XKR6: variants seen among roughly 807,000 people sequenced by gnomAD.
XKR6 encodes the protein XK-related protein 6.
Under a neutral mutation model 56.7 loss-of-function variants are expected in XKR6, and 22 were observed. The ratio of observed to expected loss-of-function variants is 0.39; its 90% CI spans 0.28 to 0.55. XKR6 has a LOEUF of 0.55. Ranked by LOEUF, XKR6 falls within the 20% of genes least tolerant of loss-of-function variation. The probability of loss-of-function intolerance (pLI) is 0.66; values close to 1 mark genes in which losing one functional copy is unlikely to be tolerated. For synonymous variants in XKR6, 524 were observed against 387.8 expected (o/e 1.35, Z -4.13); for missense variants, 852 against 889.0 (o/e 0.96, Z 0.53).
intron 1 of XKR6, chr8:11,123,493 A>C (rs13276836): frequency 0.36 from 75,641 of 207,324 alleles, 15,830 homozygotes; most frequent in Non-Finnish European, 0.47. Flanking sequence ...CCCCACCTTC[A>C]AGACCAGCTG....
At chr8:10,922,358 A>C (rs1800746993) in intron 2 of XKR6, among the ~76,000 whole-genome samples, 1 of 152,208 alleles carries the variant, frequency 6.6e-6, no homozygotes, top group African/African-American at 2.4e-5. Flanking sequence ...ATCTGAGGGC[A>C]GGTTGGATAT....
At chr8:11,186,915 A>G (rs1803306146) in intron 1 of XKR6, among the ~76,000 whole-genome samples, 1 of 152,208 alleles carries the variant, frequency 6.6e-6, no homozygotes, top group Non-Finnish European at 1.5e-5. Context: ...TGCCTCTCAT[A>G]TTTAACTAAC....
At chr8:11,130,652 G>A (rs1800060372) in intron 1 of XKR6, among the ~76,000 whole-genome samples, 1 of 151,106 alleles carries the variant, frequency 6.6e-6, no homozygotes, top group Non-Finnish European at 1.5e-5. Context: ...ACCTAAGGAT[G>A]ATGTAAAAGG....
intron 1 of XKR6, among the ~76,000 whole-genome samples, chr8:11,011,019 A>T (rs562453008): frequency 6.6e-6 from 1 of 152,226 alleles, no homozygotes; most frequent in Non-Finnish European, 1.5e-5. Context: ...ATCTCTCAGC[A>T]ACCCAATCAG....
At chr8:10,957,526 C>T (rs1341310993) in intron 1 of XKR6, among the ~76,000 whole-genome samples, 3 of 152,172 alleles carry the variant, frequency 2.0e-5, no homozygotes, top group African/African-American at 7.2e-5. Flanking sequence ...GATGATACAT[C>T]AATGTCTTGC....
chr8:11,138,055 G>A (rs17725044), intron 1 of XKR6: 2 of 216,184 alleles, frequency 9.3e-6, no homozygotes, highest in South Asian at 6.8e-5. Context: ...TGTCTTCAAC[G>A]TAAACAACAT....
chr8:11,116,380 CT>C (rs1212284321), intron 1 of XKR6, among the ~76,000 whole-genome samples: 1 of 152,098 alleles, frequency 6.6e-6, no homozygotes, highest in Admixed American at 6.6e-5. Flanking sequence ...ACTTTTCTCT[CT>C]TTTTTTGAGA....
At chr8:11,130,392 G>A (rs571099070) in intron 1 of XKR6, among the ~76,000 whole-genome samples, 6 of 152,228 alleles carry the variant, frequency 3.9e-5, no homozygotes, top group African/African-American at 1.4e-4. Flanking sequence ...TAGTAGTCTG[G>A]TTGGTCTTGA....
At chr8:11,003,863 C>T (rs942989590) in intron 1 of XKR6, among the ~76,000 whole-genome samples, 1 of 152,154 alleles carries the variant, frequency 6.6e-6, no homozygotes, top group African/African-American at 2.4e-5. Context: ...AAAAGGTTCC[C>T]AAGGGAGAAA....
At chr8:10,979,763 G>A (rs1321353633) in intron 1 of XKR6, among the ~76,000 whole-genome samples, 1 of 152,182 alleles carries the variant, frequency 6.6e-6, no homozygotes, top group Non-Finnish European at 1.5e-5. Flanking sequence ...CCTCCGTAGG[G>A]GTTTTCTCTC....
At chr8:11,007,602 G>A (rs7833832) in intron 1 of XKR6, among the ~76,000 whole-genome samples, 71,822 of 152,048 alleles carry the variant, frequency 0.47, 21,541 homozygotes, top group African/African-American at 0.85. Flanking sequence ...ACAGAGGAAG[G>A]CAGACTGGAG....
chr8:11,034,791 CATTT>C (rs1799094648), intron 1 of XKR6, among the ~76,000 whole-genome samples: 1 of 152,186 alleles, frequency 6.6e-6, no homozygotes, highest in Non-Finnish European at 1.5e-5. Context: ...GTGTGTGCAA[CATTT>C]ACCATGGCCA....
intron 1 of XKR6, among the ~76,000 whole-genome samples, chr8:11,055,909 C>T (rs1034331406): frequency 3.3e-5 from 5 of 152,166 alleles, no homozygotes; most frequent in East Asian, 1.9e-4. Flanking sequence ...TTCATACCCC[C>T]GCTCCATACA....
chr8:11,121,534 A>C (rs1337937917), intron 1 of XKR6, among the ~76,000 whole-genome samples: 6 of 152,234 alleles, frequency 3.9e-5, no homozygotes, highest in African/African-American at 1.4e-4. Context: ...GTCAGGAAAC[A>C]ACAGGTGCTG....
intron 1 of XKR6, among the ~76,000 whole-genome samples, chr8:10,962,489 T>C (rs1344508874): frequency 6.6e-6 from 1 of 152,156 alleles, no homozygotes; most frequent in Non-Finnish European, 1.5e-5. Context: ...AAGGCTCAAA[T>C]GTATTTTTGT....
At chr8:11,128,173 A>G (rs1048462133) in intron 1 of XKR6, among the ~76,000 whole-genome samples, 1 of 152,198 alleles carries the variant, frequency 6.6e-6, no homozygotes, top group Non-Finnish European at 1.5e-5. Context: ...AGCTTTTTCT[A>G]CTAGAAACAG....
chr8:11,152,953 C>G (rs1337343110), intron 1 of XKR6, among the ~76,000 whole-genome samples: 1 of 152,216 alleles, frequency 6.6e-6, no homozygotes, highest in Non-Finnish European at 1.5e-5. Context: ...CAGATCTGCA[C>G]TAGCTCACAG....
At chr8:10,946,233 G>C (rs916103798) in intron 1 of XKR6, among the ~76,000 whole-genome samples, 1 of 152,010 alleles carries the variant, frequency 6.6e-6, no homozygotes, top group Admixed American at 6.6e-5. Flanking sequence ...GATCAGCTCT[G>C]CCCACAGGAG....
intron 1 of XKR6, among the ~76,000 whole-genome samples, chr8:10,970,426 C>G (rs1042956448): frequency 1.3e-5 from 2 of 152,126 alleles, no homozygotes; most frequent in Non-Finnish European, 2.9e-5. Context: ...AATATTTATT[C>G]TCCACCATGT....
Sources: gnomAD v4.1 joint callset for allele counts (sites outside exome capture counted in the v4.1 genomes callset) on GRCh38, gnomAD v4.1.1 for gene constraint, MANE v1.5 for transcripts, NCBI Gene and HGNC (gene_info 2026-07-23, HGNC 2026-07-21) for gene names.